IL1RL1: variants seen among roughly 807,000 people sequenced by gnomAD.
IL1RL1 encodes the protein interleukin 1 receptor like 1, also known as interleukin-1 receptor-like 1.
A neutral mutation model predicts 50.9 loss-of-function variants in IL1RL1; 32 were observed. The observed-to-expected ratio is 0.63, with a 90% CI of 0.47 to 0.84. The LOEUF (loss-of-function observed/expected upper bound fraction) is 0.84. Ranked by LOEUF, IL1RL1 falls within the 40% of genes least tolerant of loss-of-function variation. IL1RL1 has a pLI of 0.00. For synonymous variants in IL1RL1, 275 were observed against 236.0 expected (o/e 1.17, Z -1.51); for missense variants, 773 against 662.9 (o/e 1.17, Z -1.82).
chr2:102,323,598 G>T (rs116060721), intron 1 of IL1RL1, among the ~76,000 whole-genome samples: 20 of 152,022 alleles, frequency 1.3e-4, no homozygotes, highest in African/African-American at 4.6e-4. Flanking sequence ...AAGGGGTGGG[G>T]GAGTGCTAAG....
intron 1 of IL1RL1, among the ~76,000 whole-genome samples, chr2:102,336,514 A>G (rs74587142): frequency 6.6e-6 from 1 of 152,198 alleles, no homozygotes. Context: ...GAGTTTACTC[A>G]TGATAGGGTC....
At chr2:102,329,512 T>C (rs1677113004) in intron 1 of IL1RL1, among the ~76,000 whole-genome samples, 1 of 152,132 alleles carries the variant, frequency 6.6e-6, no homozygotes, top group Admixed American at 6.5e-5. Context: ...ACTAAAGAGC[T>C]TCTGCACAGT....
chr2:102,349,280 T>A (rs1267035825), intron 10 of IL1RL1, 34 bp downstream of exon 10: 1 of 1,586,288 alleles, frequency 6.3e-7, no homozygotes, highest in East Asian at 2.2e-5. Flanking sequence ...GGACAGAAAT[T>A]CATGCTTATT....
intron 6 of IL1RL1, 105 bp from the exon 7 acceptor site, chr2:102,342,931 G>A: frequency 2.9e-6 from 3 of 1,039,286 alleles, no homozygotes; most frequent in East Asian, 2.4e-5. Flanking sequence ...GGTCCTGGTG[G>A]GGTGCATACT....
intron 8 of IL1RL1, chr2:102,343,621 G>A (rs759040814): frequency 2.6e-4 from 377 of 1,441,932 alleles, no homozygotes; most frequent in Admixed American, 3.3e-4. Context: ...TAAATTGTTC[G>A]TCCTCCCCCA....
rs759253185 is a variant in IL1RL1 at position 102,340,082 on chromosome 2, T to C, written c.273-16T>C. On this transcript the variant is annotated splice_polypyrimidine_tract_variant and intron_variant, in intron 3 of 10. Coordinates refer to ENST00000233954, the MANE Select transcript of IL1RL1 (RefSeq NM_016232.5). The stretch of plus-strand genomic sequence containing the variant: ...ATGCTAAGTGACTCTTTTAATTGTC[T>C]GACTTATTTTAACAGTCCCACATTC... The C allele has an allele frequency of 6.2e-6, 9 of 1,444,426 alleles. No homozygotes were observed. In the South Asian group the frequency reaches 1.4e-4, roughly 22 times the overall value. 89.5% of individuals were successfully genotyped at this position (1,444,426 alleles called of 1,614,324 possible). A position where few individuals can be genotyped will look rare whatever the true frequency, so the allele number is the denominator to read the frequency against.
chr2:102,321,987 G>A (rs1240235097), intron 1 of IL1RL1, among the ~76,000 whole-genome samples: 1 of 152,146 alleles, frequency 6.6e-6, no homozygotes, highest in African/African-American at 2.4e-5. Flanking sequence ...GAGCTAATAG[G>A]AGATTATCTA....
chr2:102,339,629 C>A (rs1269428461), intron 3 of IL1RL1, among the ~76,000 whole-genome samples: 4 of 152,152 alleles, frequency 2.6e-5, no homozygotes, highest in African/African-American at 9.7e-5. Flanking sequence ...TCATGCTCTG[C>A]CACTAGTTAA....
chr2:102,335,068 G>A (rs1677276727), intron 1 of IL1RL1, among the ~76,000 whole-genome samples: 1 of 152,034 alleles, frequency 6.6e-6, no homozygotes, highest in Admixed American at 6.6e-5. Flanking sequence ...TAAAAAAGTG[G>A]GTGTTTGCCA....
Position 102,349,060 on chromosome 2 carries a change from T to A in IL1RL1, c.1118-19T>A. ...TTTAGAATCAAGTAAGAAGTTGTAC[T>A]TCTTGTTTTCATTTTCAGATGGAAA... On this transcript the variant is annotated intron_variant, in intron 9 of 10. Coordinates refer to ENST00000233954, the MANE Select transcript of IL1RL1 (RefSeq NM_016232.5). The A allele has an allele frequency of 6.2e-7, 1 of 1,605,888 alleles. No homozygotes were observed. Among genetic ancestry groups the A allele is most frequent in the Non-Finnish European group, 8.5e-7 (1 of 1,172,970 alleles).
chr2:102,330,450 C>T (rs1425198576), intron 1 of IL1RL1, among the ~76,000 whole-genome samples: 1 of 152,134 alleles, frequency 6.6e-6, no homozygotes, highest in Non-Finnish European at 1.5e-5. Context: ...TGTAAAAAAC[C>T]TGCACGTTGT....
At chr2:102,312,001 AT>A (rs1459459716) in intron 1 of IL1RL1, among the ~76,000 whole-genome samples, 791 of 23,690 alleles carry the variant, frequency 0.033, 39 homozygotes, top group African/African-American at 0.18. Flanking sequence ...TATATAATAT[AT>A]TTATATATAT....
chr2:102,315,680 G>A (rs1676655263), intron 1 of IL1RL1, among the ~76,000 whole-genome samples: 1 of 152,054 alleles, frequency 6.6e-6, no homozygotes, highest in African/African-American at 2.4e-5. Context: ...GGAAATCTGA[G>A]CTGCTTTGTG....
At chr2:102,340,304 A>G in intron 4 of IL1RL1, 32 bp downstream of exon 4, 1 of 1,536,890 alleles carries the variant, frequency 6.5e-7, no homozygotes, top group East Asian at 2.3e-5. Flanking sequence ...AATAGATGAA[A>G]ATTACACAAT....
chr2:102,323,247 T>TTATATATATATA lies in IL1RL1; in HGVS notation c.-150+11639_-150+11650dup, dbSNP rs371889389. ...ATGTTCTTTAACTTTTTGTTAGGTT[T>TTATATATATATA]TATATATATATATATATATATATAT... On this transcript the variant is annotated intron_variant, in intron 1 of 10. Coordinates refer to ENST00000233954, the MANE Select transcript of IL1RL1 (RefSeq NM_016232.5). Among the ~76,000 whole-genome samples, 224 of 98,578 alleles carry TTATATATATATA rather than the reference T, an allele frequency of 2.3e-3. 2 individuals are homozygous for TTATATATATATA. The highest frequency in any genetic ancestry group is 7.9e-3 in the African/African-American group (209 of 26,594). 64.7% of individuals were successfully genotyped at this position (98,578 alleles called of 152,430 possible).
chr2:102,345,063 G>C (rs1677731661), intron 8 of IL1RL1: 10 of 920,214 alleles, frequency 1.1e-5, no homozygotes, highest in Non-Finnish European at 1.3e-5. Context: ...AGGGTGGAGA[G>C]AGTGATCCTT....
At chr2:102,321,810 A>C (rs1005104750) in intron 1 of IL1RL1, among the ~76,000 whole-genome samples, 1 of 152,222 alleles carries the variant, frequency 6.6e-6, no homozygotes, top group Non-Finnish European at 1.5e-5. Context: ...AGCAAATTTG[A>C]GATGATGGAG....
chr2:102,347,799 C>G (rs752040623), intron 8 of IL1RL1, 146 bp from the exon 9 acceptor site: 1 of 585,966 alleles, frequency 1.7e-6, no homozygotes, highest in Non-Finnish European at 3.0e-6. Context: ...ATGTGACTGT[C>G]CTGGTACTTA....
At position 102,325,942 on chromosome 2, in the gene IL1RL1, A is replaced by G. The variant is rs572497913; in HGVS notation, c.-149-12174A>G. On this transcript the variant is annotated intron_variant, in intron 1 of 10. Transcript: ENST00000233954. ...GAAAACACTCTGCAGGGTATTATCC[A>G]GGAGAACTTCCCCAATCTAGCAAGG... Among the ~76,000 whole-genome samples, 9 of 152,360 alleles carry G rather than the reference A, an allele frequency of 5.9e-5. No individual in the cohort carries two copies. In the South Asian group the frequency reaches 1.9e-3, roughly 32 times the overall value.
Sources: gnomAD v4.1 joint callset for allele counts (sites outside exome capture counted in the v4.1 genomes callset) on GRCh38, gnomAD v4.1.1 for gene constraint, MANE v1.5 for transcripts, NCBI Gene and HGNC (gene_info 2026-07-23, HGNC 2026-07-21) for gene names.